CEACAM1: variants seen among roughly 807,000 people sequenced by gnomAD.
The protein encoded by CEACAM1 is cell adhesion molecule CEACAM1.
Under a neutral mutation model 49.1 loss-of-function variants are expected in CEACAM1, and 31 were observed. That is an observed-to-expected ratio of 0.63 (90% CI 0.47 to 0.85). CEACAM1 has a LOEUF of 0.85. Among genes scored for constraint, CEACAM1 ranks in the 40% least tolerant of loss-of-function variants. The pLI, the probability that CEACAM1 is intolerant of heterozygous loss-of-function variation, is 0.00. For missense variants in CEACAM1, 570 were observed against 645.3 expected, an observed-to-expected ratio of 0.88 and a Z score of 1.26; for synonymous variants, 244 against 247.8, an observed-to-expected ratio of 0.98 and a Z score of 0.14.
At chr19:42,511,398 G>A (rs1457939598) in intron 7 of CEACAM1, 178 bp downstream of exon 7, 7 of 629,138 alleles carry the variant, frequency 1.1e-5, no homozygotes, top group East Asian at 1.1e-4. Flanking sequence ...TGTGTCTCAG[G>A]GGACTCCTGT....
At chr19:42,517,186 G>T (rs1321746616) in intron 5 of CEACAM1, among the ~76,000 whole-genome samples, 2 of 152,126 alleles carry the variant, frequency 1.3e-5, no homozygotes, top group Admixed American at 1.3e-4. Context: ...AATTCAAAAT[G>T]CATAAAAGAC....
At chr19:42,515,165 A>C in intron 5 of CEACAM1, 1 of 547,486 alleles carries the variant, frequency 1.8e-6, no homozygotes. Context: ...TAGGAGGCTA[A>C]GGTGAGGGAA....
At position 42,527,730 on chromosome 19, in the gene CEACAM1, T is replaced by C. The variant is rs41464245; in HGVS notation, c.65-330A>G. On this transcript the variant is annotated intron_variant, in intron 1 of 8. Coordinates refer to ENST00000161559, the MANE Select transcript of CEACAM1 (RefSeq NM_001712.5). ...TGACACCTCCCCTAGAGACCCTGGG[T>C]ATTCCCTTTCTGACCTTTTTCTGCT... 647 of 265,702 alleles carry C rather than the reference T, an allele frequency of 2.4e-3. 5 individuals carry two copies. Among genetic ancestry groups the C allele is most frequent in the African/African-American group, 0.011 (487 of 45,662 alleles). The allele number at this position is 265,702 out of a possible 1,614,324, so 16.5% of individuals were successfully genotyped here. A position where few individuals can be genotyped will look rare whatever the true frequency, so the allele number is the denominator to read the frequency against.
chr19:42,511,428 A>C, intron 7 of CEACAM1, 148 bp downstream of exon 7: 2 of 694,880 alleles, frequency 2.9e-6, no homozygotes, highest in Admixed American at 4.7e-5. Flanking sequence ...GGGTGGGAAG[A>C]CCTATGCCAC....
chr19:42,517,155 G>A, intron 5 of CEACAM1, among the ~76,000 whole-genome samples: 1 of 152,186 alleles, frequency 6.6e-6, no homozygotes, highest in African/African-American at 2.4e-5. Context: ...GAACCTTTAT[G>A]TAACACCATA....
chr19:42,522,315 C>A (rs1053334456), intron 2 of CEACAM1, 113 bp from the exon 3 acceptor site: 2 of 1,512,876 alleles, frequency 1.3e-6, no homozygotes, highest in African/African-American at 2.8e-5. Flanking sequence ...CGCTCTGTCA[C>A]CCAGGCTGGA....
intron 3 of CEACAM1, 120 bp downstream of exon 3, chr19:42,521,804 C>G: frequency 6.4e-7 from 1 of 1,573,744 alleles, no homozygotes. Flanking sequence ...TCATGGCCAG[C>G]CTGGGTGTCC....
chr19:42,511,480 A>G (rs368663677), intron 7 of CEACAM1, 96 bp downstream of exon 7: 6 of 1,014,976 alleles, frequency 5.9e-6, no homozygotes, highest in African/African-American at 3.2e-5. Flanking sequence ...GAAAATTCAG[A>G]AGGGAGGGAG....
intron 8 of CEACAM1, 121 bp from the exon 9 acceptor site, chr19:42,509,349 TTTG>T (rs1360835917): frequency 8.6e-7 from 1 of 1,160,108 alleles, no homozygotes. Context: ...GAGAAGGGCT[TTTG>T]TTGTTACCCA....
chr19:42,521,078 C>T, intron 4 of CEACAM1, 189 bp downstream of exon 4: 1 of 670,352 alleles, frequency 1.5e-6, no homozygotes, highest in Non-Finnish European at 2.6e-6. Context: ...CTAAGGTCAG[C>T]TGTGAGAAAT....
intron 5 of CEACAM1, 43 bp from the exon 6 acceptor site, chr19:42,512,522 A>T (rs1462769870): frequency 1.3e-6 from 2 of 1,578,546 alleles, no homozygotes; most frequent in African/African-American, 2.7e-5. Flanking sequence ...AAGTGAAATT[A>T]TTTTACAATG....
chr19:42,521,130 AGG>A, intron 4 of CEACAM1, 135 bp downstream of exon 4: 2 of 888,942 alleles, frequency 2.2e-6, no homozygotes, highest in South Asian at 3.2e-5. Context: ...ATGAATTGAG[AGG>A]GTTCAGGGGA....
chr19:42,526,683 C>T (rs887367844), intron 2 of CEACAM1, among the ~76,000 whole-genome samples: 5 of 152,140 alleles, frequency 3.3e-5, no homozygotes, highest in Non-Finnish European at 5.9e-5. Context: ...CTGAGCTTGT[C>T]TGTGAGGATC....
rs777197686 is a variant in CEACAM1 at position 42,521,501 on chromosome 19, T to C, written c.724A>G (p.Ile242Val). 2.5e-6 allele frequency: 4 copies of C among 1,613,714 alleles called. No individual in the cohort carries two copies. The East Asian group carries it at 6.7e-5, about 27-fold the overall frequency. Residue 242 changes from isoleucine (I) to valine (V), a missense_variant, in exon 4 of 9, where the codon ATT becomes GTT. Physicochemically the swap from Ile to Val is conservative, Grantham distance 29. Transcript: ENST00000161559. ...NVTYGPDTPT[I>V]SPSDTYYRPG... ...CGGTAATAGGTGTCTGAAGGGGAAA[T>C]GGTGGGGGTGTCCGGGCCATCTGGA...
At chr19:42,518,816 C>T in intron 5 of CEACAM1, 132 bp downstream of exon 5, 1 of 1,098,940 alleles carries the variant, frequency 9.1e-7, no homozygotes, top group Non-Finnish European at 1.4e-6. Flanking sequence ...GAGCTCTTAA[C>T]CACTTTGCAA....
intron 7 of CEACAM1, 51 bp downstream of exon 7, chr19:42,511,525 G>C (rs780933323): frequency 1.2e-5 from 17 of 1,451,418 alleles, no homozygotes; most frequent in Non-Finnish European, 1.6e-5. Context: ...GCCAGGGGAG[G>C]GCACGTGGTG....
intron 8 of CEACAM1, among the ~76,000 whole-genome samples, chr19:42,509,475 C>G (rs906424407): frequency 2.6e-5 from 4 of 152,146 alleles, no homozygotes; most frequent in Admixed American, 2.6e-4. Context: ...CAAATACATA[C>G]AATATGGATG....
At chr19:42,524,383 A>G (rs1416557287) in intron 2 of CEACAM1, among the ~76,000 whole-genome samples, 3 of 152,210 alleles carry the variant, frequency 2.0e-5, no homozygotes, top group African/African-American at 7.2e-5. Context: ...AAATGAGCCC[A>G]TGGGCTTTGG....
chr19:42,519,094 G>C lies in CEACAM1; in HGVS notation c.1100C>G (p.Pro367Arg). 1 of 1,614,118 alleles carries C rather than the reference G, an allele frequency of 6.2e-7. No homozygotes were observed. The highest frequency in any genetic ancestry group is 8.5e-7 in the Non-Finnish European group (1 of 1,180,020). ...IRWFFKNQSL[P>R]SSERMKLSQG... ...GGACAGCTTCATCCTCTCCGAGGAC[G>C]GGAGACTCTGGTTTTTGAAGAACCA... is the stretch of plus-strand genomic sequence containing the variant. The change falls in exon 5 of 9, where the codon CCG becomes CGG. Residue 367 changes from proline (P) to arginine (R), a missense_variant. Pro to Arg is a moderately radical substitution (Grantham distance 103). Transcript: ENST00000161559.
Sources: gnomAD v4.1 joint callset for allele counts (sites outside exome capture counted in the v4.1 genomes callset) on GRCh38, gnomAD v4.1.1 for gene constraint, MANE v1.5 for transcripts, NCBI Gene and HGNC (gene_info 2026-07-23, HGNC 2026-07-21) for gene names.